The following SORCS3 variants were observed in gnomAD, a reference collection of about 807,000 sequenced individuals.
SORCS3 encodes VPS10 domain-containing receptor SorCS3.
In SORCS3, 57 loss-of-function variants were observed where a neutral mutation model predicts 146.3. The observed-to-expected ratio is 0.39, with a 90% CI of 0.31 to 0.49. The LOEUF is 0.49. Among genes scored for constraint, SORCS3 ranks in the 20% least tolerant of loss-of-function variants. The pLI is 0.92. For synonymous variants in SORCS3, 653 were observed against 618.5 expected (o/e 1.06, Z -0.83); for missense variants, 1,341 against 1,575.5 (o/e 0.85, Z 2.52).
intron 20 of SORCS3, among the ~76,000 whole-genome samples, chr10:105,229,387 T>G (rs2056754192): frequency 1.3e-5 from 2 of 152,218 alleles, no homozygotes; most frequent in Non-Finnish European, 2.9e-5. Flanking sequence ...GGAGAATTAT[T>G]GTGTTCCTTC....
rs7099703 is a variant in SORCS3, at chr10:104,965,260, G to A, written c.796-12075G>A. On this transcript the variant is annotated intron_variant, in intron 3 of 26. Transcript: ENST00000369701. Reference sequence around the variant, plus strand: ...CCACATTGCATTTTAGAATAGTCACGCCAATTTATACTTGCATCAACACTG... The same window carrying A: ...CCACATTGCATTTTAGAATAGTCACACCAATTTATACTTGCATCAACACTG... Among the ~76,000 whole-genome samples the A allele has an allele frequency of 4.1e-3, 625 of 152,174 alleles. 4 individuals are homozygous for A. The highest frequency in any genetic ancestry group is 0.014 in the African/African-American group (569 of 41,512).
At chr10:105,065,911 G>A (rs2133722079) in intron 5 of SORCS3, among the ~76,000 whole-genome samples, 1 of 152,266 alleles carries the variant, frequency 6.6e-6, no homozygotes, top group Middle Eastern at 3.4e-3. Context: ...TTTATAAATG[G>A]AATTTAGGTA....
chr10:104,939,608 G>C (rs551228598), intron 3 of SORCS3, among the ~76,000 whole-genome samples: 8 of 152,146 alleles, frequency 5.3e-5, no homozygotes, highest in Non-Finnish European at 1.0e-4. Context: ...TACCACTGGG[G>C]AAGAGGGAGG....
chr10:105,075,517 A>T (rs904594410), intron 5 of SORCS3, among the ~76,000 whole-genome samples: 21 of 152,084 alleles, frequency 1.4e-4, no homozygotes, highest in African/African-American at 4.8e-4. Context: ...CAGCACAGGG[A>T]TGTTCACAGA....
At chr10:105,108,832 A>G (rs1008111148) in intron 7 of SORCS3, among the ~76,000 whole-genome samples, 2 of 149,472 alleles carry the variant, frequency 1.3e-5, no homozygotes, top group African/African-American at 5.1e-5. Flanking sequence ...CAGGTAGACA[A>G]CTACATACAG....
intron 1 of SORCS3, among the ~76,000 whole-genome samples, chr10:104,716,086 T>C (rs2016473144): frequency 6.6e-6 from 1 of 152,236 alleles, no homozygotes; most frequent in Non-Finnish European, 1.5e-5. Context: ...TCAACTTGCT[T>C]CCTTAATTTC....
intron 10 of SORCS3, 95 bp downstream of exon 10, chr10:105,157,379 C>A: frequency 6.8e-7 from 1 of 1,460,944 alleles, no homozygotes; most frequent in Non-Finnish European, 9.3e-7. Flanking sequence ...GTCTTAGGAA[C>A]TCAGGTGGTG....
chr10:104,646,317 G>T (rs895023217), intron 1 of SORCS3, among the ~76,000 whole-genome samples: 1 of 152,222 alleles, frequency 6.6e-6, no homozygotes, highest in Non-Finnish European at 1.5e-5. Flanking sequence ...GCTGGAACTT[G>T]CTTTGTAGCT....
chr10:104,903,393 C>T (rs1343807094), intron 2 of SORCS3, among the ~76,000 whole-genome samples: 8 of 151,968 alleles, frequency 5.3e-5, no homozygotes, highest in African/African-American at 1.9e-4. Flanking sequence ...CTATGGAAAT[C>T]AGAGGGGACA....
At chr10:104,643,797 G>A (rs2015459457) in intron 1 of SORCS3, among the ~76,000 whole-genome samples, 2 of 151,726 alleles carry the variant, frequency 1.3e-5, no homozygotes, top group South Asian at 4.2e-4. Flanking sequence ...ATGTGTGGAA[G>A]TAAATATATC....
At chr10:104,693,859 A>G (rs1396315449) in intron 1 of SORCS3, among the ~76,000 whole-genome samples, 1 of 152,144 alleles carries the variant, frequency 6.6e-6, no homozygotes, top group Admixed American at 6.5e-5. Flanking sequence ...CAAAATGTGC[A>G]TTCCTCTCCC....
chr10:104,682,076 G>A (rs1198705219), intron 1 of SORCS3, among the ~76,000 whole-genome samples: 2 of 152,244 alleles, frequency 1.3e-5, no homozygotes, highest in Admixed American at 6.5e-5. Context: ...CTGTGAAGGG[G>A]CTGGTGGGGG....
In SORCS3 at chr10:105,232,234, T is replaced by C. The variant is rs149318919; in HGVS notation, c.2868+8985T>C. Reference sequence around the variant, plus strand: ...ATTTATTTAATAGATATAGTTCTATTCAAATAACCTTTTTCATCCTGTGTG... The same window carrying C: ...ATTTATTTAATAGATATAGTTCTATCCAAATAACCTTTTTCATCCTGTGTG... On this transcript the variant is annotated intron_variant, in intron 20 of 26. Transcript: ENST00000369701. Among the ~76,000 whole-genome samples the C allele has an allele frequency of 5.9e-4, 90 of 152,268 alleles. 1 individual carries two copies. Among genetic ancestry groups the C allele is most frequent in the South Asian group, 1.7e-3 (8 of 4,826 alleles).
At chr10:105,229,048 T>G (rs1355949109) in intron 20 of SORCS3, among the ~76,000 whole-genome samples, 2 of 152,144 alleles carry the variant, frequency 1.3e-5, no homozygotes, top group African/African-American at 4.8e-5. Context: ...TTTTAAAAAT[T>G]GTTTCCTTAA....
intron 1 of SORCS3, among the ~76,000 whole-genome samples, chr10:104,666,539 C>A (rs1347728336): frequency 6.6e-6 from 1 of 152,166 alleles, no homozygotes; most frequent in African/African-American, 2.4e-5. Flanking sequence ...GAATGTAGAC[C>A]TGGGACCTTT....
chr10:104,802,409 C>T (rs1180424975), intron 1 of SORCS3, among the ~76,000 whole-genome samples: 1 of 152,136 alleles, frequency 6.6e-6, no homozygotes, highest in African/African-American at 2.4e-5. Context: ...TACTTTTAAA[C>T]CTGAACTGAT....
chr10:105,086,768 G>A (rs894410740), intron 5 of SORCS3, among the ~76,000 whole-genome samples: 2 of 152,154 alleles, frequency 1.3e-5, no homozygotes, highest in Non-Finnish European at 2.9e-5. Context: ...GTACCAGCAT[G>A]ATATAAAGAA....
Position 105,141,680 on chromosome 10 carries a change from C to A in SORCS3, c.1302+2194C>A, listed in dbSNP as rs189756061. Among the ~76,000 whole-genome samples the A allele has an allele frequency of 4.6e-5, 7 of 152,214 alleles. No homozygotes were observed. In the East Asian group the frequency reaches 9.7e-4, roughly 21 times the overall value. ...TGAGGAGCATTATTAGAAGCCATAG[C>A]CTTGTGCTGAGCCCTCCATAACTCA... is the stretch of plus-strand genomic sequence containing the variant. On this transcript the variant is annotated intron_variant, in intron 8 of 26. Coordinates refer to ENST00000369701, the MANE Select transcript of SORCS3 (RefSeq NM_014978.3).
At chr10:104,991,792 C>T (rs977349477) in intron 4 of SORCS3, among the ~76,000 whole-genome samples, 6 of 152,290 alleles carry the variant, frequency 3.9e-5, no homozygotes, top group Non-Finnish European at 7.4e-5. Context: ...AGCCACTGCA[C>T]CTGGCCGATT....
Sources: allele counts gnomAD v4.1 joint callset (sites outside exome capture counted in the v4.1 genomes callset), GRCh38; gene constraint gnomAD v4.1.1; transcripts MANE v1.5; gene names NCBI Gene and HGNC (gene_info 2026-07-23, HGNC 2026-07-21).